The following NFIC variants were observed in gnomAD, a reference collection of about 807,000 sequenced individuals.
NFIC encodes the protein nuclear factor 1 C-type.
A neutral mutation model predicts 54.4 loss-of-function variants in NFIC; 12 were observed. The observed-to-expected ratio is 0.22, with a 90% CI of 0.14 to 0.36. The LOEUF (loss-of-function observed/expected upper bound fraction) is 0.36. NFIC is among the 10% of genes least tolerant of loss of function. The pLI is 1.00. For synonymous variants in NFIC, 322 were observed against 319.2 expected (o/e 1.01, Z -0.09); for missense variants, 575 against 718.2 (o/e 0.80, Z 2.28).
chr19:3,398,780 C>T (rs1312364553), intron 2 of NFIC, among the ~76,000 whole-genome samples: 2 of 152,234 alleles, frequency 1.3e-5, no homozygotes, highest in South Asian at 2.1e-4. Context: ...CAAGGGCAGC[C>T]GGCCCGCTTA....
chr19:3,411,559 C>T (rs1176029006), intron 2 of NFIC, among the ~76,000 whole-genome samples: 1 of 151,676 alleles, frequency 6.6e-6, no homozygotes, highest in African/African-American at 2.4e-5. Context: ...AACTCCTGAC[C>T]TCCAGTGATC....
intron 6 of NFIC, among the ~76,000 whole-genome samples, chr19:3,448,505 G>T (rs2082405921): frequency 6.6e-6 from 1 of 152,172 alleles, no homozygotes; most frequent in African/African-American, 2.4e-5. Context: ...ATGCCAGCAA[G>T]TCACTGCAGA....
intron 6 of NFIC, among the ~76,000 whole-genome samples, chr19:3,444,264 G>T (rs948507338): frequency 3.3e-5 from 5 of 152,314 alleles, no homozygotes; most frequent in African/African-American, 9.6e-5. Context: ...GAGGAGGTCA[G>T]ATGGGCGTGT....
intron 3 of NFIC, among the ~76,000 whole-genome samples, chr19:3,425,865 C>T (rs987185089): frequency 1.3e-5 from 2 of 150,494 alleles, no homozygotes; most frequent in East Asian, 3.9e-4. Context: ...AGCGATCCTC[C>T]TGCCTTAGCC....
At chr19:3,438,210 C>T (rs894499544) in intron 6 of NFIC, among the ~76,000 whole-genome samples, 1 of 152,124 alleles carries the variant, frequency 6.6e-6, no homozygotes, top group Non-Finnish European at 1.5e-5. Flanking sequence ...AGCTCTGGAG[C>T]TCAGTCTGAC....
At chr19:3,431,185 G>A (rs1263666025) in intron 3 of NFIC, among the ~76,000 whole-genome samples, 11 of 150,518 alleles carry the variant, frequency 7.3e-5, no homozygotes, top group Non-Finnish European at 1.2e-4. Context: ...CACCATGCCC[G>A]GCTAATTTTT....
At position 3,407,016 on chromosome 19, in the gene NFIC, G is replaced by A. The variant is rs1349336109; in HGVS notation, c.563-18090G>A. 3.3e-5 allele frequency among the ~76,000 whole-genome samples: 5 copies of A among 151,410 alleles called. No individual in the cohort carries two copies. The South Asian group carries it at 6.3e-4, about 19-fold the overall frequency. On this transcript the variant is annotated intron_variant, in intron 2 of 10. Coordinates refer to ENST00000443272, the MANE Select transcript of NFIC (RefSeq NM_001245002.2). Reference sequence around the variant, plus strand: ...GAGCGAGGGGGAGAGAGGGACGAGGGGAGGAGGGGAGGGAGGGGGCAGAGG... The same window carrying A: ...GAGCGAGGGGGAGAGAGGGACGAGGAGAGGAGGGGAGGGAGGGGGCAGAGG...
chr19:3,434,790 G>T (rs573979034), intron 5 of NFIC, among the ~76,000 whole-genome samples: 1 of 152,282 alleles, frequency 6.6e-6, no homozygotes, highest in Non-Finnish European at 1.5e-5. Context: ...GACTACAGGT[G>T]GCCAGGAGAT....
chr19:3,370,525 A>G lies in NFIC; in HGVS notation c.30+3859A>G, dbSNP rs888536861. Among the ~76,000 whole-genome samples the G allele has an allele frequency of 2.4e-5, 2 of 84,438 alleles. No individual in the cohort carries two copies. The highest frequency in any genetic ancestry group is 8.4e-5 in the African/African-American group (2 of 23,674). 55.4% of individuals were successfully genotyped at this position (84,438 alleles called of 152,430 possible). On this transcript the variant is annotated intron_variant, in intron 1 of 10. Transcript: ENST00000443272. The surrounding 1 kb of genome is among the most constrained non-coding windows in gnomAD (Gnocchi z 5.2). ...TCTGTCTCCCTCCCTTTCTCCCCCC[A>G]TCTCGCTCTCTCCTCCTCTCTCCCT...
intron 10 of NFIC, among the ~76,000 whole-genome samples, chr19:3,461,985 C>T (rs1456080823): frequency 6.6e-6 from 1 of 151,508 alleles, no homozygotes; most frequent in Non-Finnish European, 1.5e-5. Context: ...ACCTGGGAGG[C>T]AGAGGTTGCA....
intron 2 of NFIC, 92 bp downstream of exon 2, chr19:3,382,335 T>C: frequency 1.3e-6 from 2 of 1,497,590 alleles, no homozygotes; most frequent in Non-Finnish European, 1.8e-6. Context: ...AGGAGGCCAG[T>C]GCGTGTGGGT....
At chr19:3,382,697 G>T (rs143664652) in intron 2 of NFIC, among the ~76,000 whole-genome samples, 25 of 143,942 alleles carry the variant, frequency 1.7e-4, no homozygotes, top group African/African-American at 6.5e-4. Flanking sequence ...AGCGTCTGAC[G>T]CCGGGTGACA....
intron 2 of NFIC, among the ~76,000 whole-genome samples, chr19:3,415,442 G>A (rs779155799): frequency 2.0e-5 from 3 of 151,840 alleles, no homozygotes; most frequent in South Asian, 2.1e-4. Context: ...GTTCTTTCTC[G>A]ACTCAATCCT....
At chr19:3,377,865 C>T (rs1277042459) in intron 1 of NFIC, among the ~76,000 whole-genome samples, 1 of 151,982 alleles carries the variant, frequency 6.6e-6, no homozygotes, top group East Asian at 1.9e-4. Flanking sequence ...CAAGTGATCT[C>T]TCCACCTCGG....
In NFIC at chr19:3,360,989, T is replaced by C. The variant is rs573764386; in HGVS notation, c.3+1304T>C. 1.3e-4 allele frequency among the ~76,000 whole-genome samples: 20 copies of C among 152,292 alleles called. No homozygotes were observed. In the South Asian group the frequency reaches 3.7e-3, roughly 28 times the overall value. The stretch of plus-strand genomic sequence containing the variant: ...CACTCCCGGCCTCGCCTCCCCCAGT[T>C]CCTTTTTTCCTGTAACTGGGGACTG... On this transcript the variant is annotated intron_variant, in intron 1 of 9. Coordinates refer to the NFIC transcript ENST00000395111.
chr19:3,412,947 C>G (rs939179976), intron 2 of NFIC, among the ~76,000 whole-genome samples: 2 of 152,124 alleles, frequency 1.3e-5, no homozygotes, highest in Non-Finnish European at 2.9e-5. Context: ...TCCCCAGTAT[C>G]ACAGTTAGCC....
rs1482915717 is a variant in NFIC at position 3,369,519 on chromosome 19, T to TG, written c.30+2859dup. On this transcript the variant is annotated intron_variant, in intron 1 of 10. Coordinates refer to ENST00000443272, the MANE Select transcript of NFIC (RefSeq NM_001245002.2). The surrounding 1 kb of genome is among the most constrained non-coding windows in gnomAD (Gnocchi z 4.3). ...CTCGGGAGCCGAGGCTGGCGGGGGG[T>TG]GGGGGGCATCTCGGTGCCAGCCCGC... 6.6e-6 allele frequency among the ~76,000 whole-genome samples: 1 copy of TG among 151,546 alleles called. No individual in the cohort carries two copies. The highest frequency in any genetic ancestry group is 2.4e-5 in the African/African-American group (1 of 41,184).
chr19:3,439,830 A>G (rs1267447629), intron 6 of NFIC, among the ~76,000 whole-genome samples: 1 of 150,804 alleles, frequency 6.6e-6, no homozygotes, highest in Non-Finnish European at 1.5e-5. Context: ...CTGGGACTAC[A>G]GGCACCCACC....
At chr19:3,455,592 G>T (rs58919436) in intron 9 of NFIC, among the ~76,000 whole-genome samples, 2,619 of 149,790 alleles carry the variant, frequency 0.017, 53 homozygotes, top group African/African-American at 0.061. Flanking sequence ...CTTAATAGAT[G>T]CAGGATACTG....
Sources: allele counts gnomAD v4.1 joint callset (sites outside exome capture counted in the v4.1 genomes callset), GRCh38; gene constraint gnomAD v4.1.1; non-coding constraint Gnocchi (gnomAD v3.1); transcripts MANE v1.5; gene names NCBI Gene and HGNC (gene_info 2026-07-23, HGNC 2026-07-21).